The following MEI4 variants were observed in gnomAD, a reference collection of about 807,000 sequenced individuals.
The protein encoded by MEI4 is meiosis-specific protein MEI4.
In MEI4, 27 loss-of-function variants were observed where a neutral mutation model predicts 31.4. That is an observed-to-expected ratio of 0.86 (90% CI 0.63 to 1.19). The LOEUF (loss-of-function observed/expected upper bound fraction) is 1.19. MEI4 is among the 50% of genes most tolerant of loss of function. The pLI is 0.00. For synonymous variants in MEI4, 122 were observed against 145.4 expected, an observed-to-expected ratio of 0.84 and a Z score of 1.16; for missense variants, 329 against 398.9, an observed-to-expected ratio of 0.82 and a Z score of 1.49.
intron 3 of MEI4, among the ~76,000 whole-genome samples, chr6:77,804,463 G>A (rs12665684): frequency 0.092 from 13,996 of 152,176 alleles, 935 homozygotes; most frequent in East Asian, 0.31. Flanking sequence ...CCACTGTCCT[G>A]CACCCACTTT....
At chr6:77,921,381 T>C (rs962449286) in intron 4 of MEI4, among the ~76,000 whole-genome samples, 1 of 151,830 alleles carries the variant, frequency 6.6e-6, no homozygotes, top group African/African-American at 2.4e-5. Context: ...GCCTTTTCTC[T>C]GGTTCAGGTA....
chr6:77,829,662 G>T (rs1286026980), intron 4 of MEI4, among the ~76,000 whole-genome samples: 1 of 152,028 alleles, frequency 6.6e-6, no homozygotes, highest in Non-Finnish European at 1.5e-5. Flanking sequence ...AGGTGTAGAA[G>T]GAACATAAGT....
intron 4 of MEI4, among the ~76,000 whole-genome samples, chr6:77,874,712 T>G (rs1024779980): frequency 1.3e-5 from 2 of 152,160 alleles, no homozygotes; most frequent in African/African-American, 4.8e-5. Flanking sequence ...TTCCAGTTTT[T>G]GCCCATTCAG....
intron 3 of MEI4, among the ~76,000 whole-genome samples, chr6:77,816,551 T>A (rs1018113737): frequency 1.3e-5 from 2 of 152,144 alleles, no homozygotes; most frequent in Non-Finnish European, 2.9e-5. Flanking sequence ...TGATGGACAT[T>A]TGGGGTGGTT....
At chr6:77,812,380 A>T (rs951423122) in intron 3 of MEI4, among the ~76,000 whole-genome samples, 1 of 152,188 alleles carries the variant, frequency 6.6e-6, no homozygotes, top group African/African-American at 2.4e-5. Context: ...TATATAACTC[A>T]TATTGCTTAG....
At chr6:77,767,833 A>G (rs945714889) in intron 3 of MEI4, among the ~76,000 whole-genome samples, 2 of 152,240 alleles carry the variant, frequency 1.3e-5, no homozygotes, top group Admixed American at 6.5e-5. Flanking sequence ...CTGCATCAGT[A>G]TATAAATCAA....
chr6:77,761,254 G>T lies in MEI4; in HGVS notation c.357G>T (p.Gln119His). ...GAACTGAATCCTCAGACCTGTCCCA[G>T]CACTTTGTGGAAAGCTGTACCCCCA... ...EQRTESSDLSQHFVESCTPTH... is the reference protein window; with the variant it reads ...EQRTESSDLSHHFVESCTPTH... The change falls in exon 3 of 5, where the codon CAG becomes CAT. Residue 119 changes from glutamine (Q) to histidine (H), a missense_variant. By Grantham distance (24) the Gln-to-His change is conservative. Coordinates refer to ENST00000684080, the MANE Select transcript of MEI4 (RefSeq NM_001322247.2). The T allele has an allele frequency of 8.1e-7, 1 of 1,232,584 alleles. No homozygotes were observed. The highest frequency in any genetic ancestry group is 1.0e-6 in the Non-Finnish European group (1 of 988,052). The allele number at this position is 1,232,584 out of a possible 1,614,324, so 76.4% of individuals were successfully genotyped here. A position where few individuals can be genotyped will look rare whatever the true frequency, so the allele number is the denominator to read the frequency against.
chr6:77,671,151 G>C lies in MEI4; in HGVS notation c.-15+18059G>C, dbSNP rs911254907. Among the ~76,000 whole-genome samples, 3 of 147,668 alleles carry C rather than the reference G, an allele frequency of 2.0e-5. No individual in the cohort carries two copies. In the East Asian group the frequency reaches 6.1e-4, roughly 30 times the overall value. On this transcript the variant is annotated intron_variant, in intron 1 of 4. Transcript: ENST00000684080. Reference sequence around the variant, plus strand: ...CAGCTCACTGCAACCTCCACTTCCTGGTTCAAGCAATTCTCATGCCTTAGC... The same window carrying C: ...CAGCTCACTGCAACCTCCACTTCCTCGTTCAAGCAATTCTCATGCCTTAGC...
intron 3 of MEI4, among the ~76,000 whole-genome samples, chr6:77,815,130 A>C (rs373919587): frequency 6.6e-6 from 1 of 152,050 alleles, no homozygotes; most frequent in African/African-American, 2.4e-5. Context: ...AACCCCCACA[A>C]GAAAGGGTGC....
intron 4 of MEI4, among the ~76,000 whole-genome samples, chr6:77,838,334 G>A (rs1770272950): frequency 6.6e-6 from 1 of 151,896 alleles, no homozygotes; most frequent in African/African-American, 2.4e-5. Context: ...GAAATATTTT[G>A]GAGAGGTACT....
At chr6:77,828,806 C>A in intron 3 of MEI4, 125 bp from the exon 4 acceptor site, 1 of 657,906 alleles carries the variant, frequency 1.5e-6, no homozygotes, top group Non-Finnish European at 2.2e-6. Flanking sequence ...GTTCTTGAGA[C>A]TGACCCAGAA....
chr6:77,821,092 T>G (rs1003863237), intron 3 of MEI4, among the ~76,000 whole-genome samples: 1 of 152,138 alleles, frequency 6.6e-6, no homozygotes, highest in Admixed American at 6.5e-5. Context: ...CTAATTTGTT[T>G]ATTATTTCAT....
chr6:77,746,224 G>T (rs907793334), intron 2 of MEI4, among the ~76,000 whole-genome samples: 6 of 152,258 alleles, frequency 3.9e-5, no homozygotes, highest in Middle Eastern at 3.4e-3. Context: ...TAGACCGCTA[G>T]CAAGACTAAT....
At chr6:77,783,132 C>T (rs1768636696) in intron 3 of MEI4, among the ~76,000 whole-genome samples, 1 of 152,114 alleles carries the variant, frequency 6.6e-6, no homozygotes, top group Non-Finnish European at 1.5e-5. Context: ...GCAGTGATGA[C>T]TATTTGAAAA....
At chr6:77,794,929 C>A (rs1769037905) in intron 3 of MEI4, among the ~76,000 whole-genome samples, 1 of 152,074 alleles carries the variant, frequency 6.6e-6, no homozygotes, top group Non-Finnish European at 1.5e-5. Context: ...AAATCAGTTC[C>A]TGGAGGAATC....
At chr6:77,732,738 C>T (rs1767046606) in intron 2 of MEI4, among the ~76,000 whole-genome samples, 1 of 151,996 alleles carries the variant, frequency 6.6e-6, no homozygotes, top group Non-Finnish European at 1.5e-5. Flanking sequence ...AGTTTTTGCC[C>T]ATTCAGTATG....
At chr6:77,678,397 G>T (rs1768884661) in intron 1 of MEI4, among the ~76,000 whole-genome samples, 1 of 152,162 alleles carries the variant, frequency 6.6e-6, no homozygotes, top group African/African-American at 2.4e-5. Flanking sequence ...GGCAAGTTCT[G>T]ATTGGTAGGT....
At chr6:77,907,326 C>T (rs554925274) in intron 4 of MEI4, among the ~76,000 whole-genome samples, 8 of 152,182 alleles carry the variant, frequency 5.3e-5, no homozygotes, top group South Asian at 2.1e-4. Context: ...TGTGATGTTC[C>T]CCTTCCTGTG....
intron 4 of MEI4, among the ~76,000 whole-genome samples, chr6:77,896,632 T>G (rs944491989): frequency 2.0e-5 from 3 of 152,052 alleles, no homozygotes; most frequent in Non-Finnish European, 2.9e-5. Flanking sequence ...AACACACACT[T>G]ACACCTTCTT....
Sources: allele counts gnomAD v4.1 joint callset (sites outside exome capture counted in the v4.1 genomes callset), GRCh38; gene constraint gnomAD v4.1.1; transcripts MANE v1.5; gene names NCBI Gene and HGNC (gene_info 2026-07-23, HGNC 2026-07-21).